Variants in CUL3 observed in about 807,000 individuals in gnomAD.
CUL3 encodes cullin 3.
A neutral mutation model predicts 89.1 loss-of-function variants in CUL3; 19 were observed. That is an observed-to-expected ratio of 0.21 (90% CI 0.15 to 0.31). CUL3 has a LOEUF of 0.31. Ranked by LOEUF, CUL3 falls within the 10% of genes least tolerant of loss-of-function variation. The pLI is 1.00. For missense variants in CUL3, 469 were observed against 942.3 expected, an observed-to-expected ratio of 0.50 and a Z score of 6.58; for synonymous variants, 351 against 308.4, an observed-to-expected ratio of 1.14 and a Z score of -1.45.
chr2:224,506,710 A>G (rs1350968820), intron 7 of CUL3, 148 bp downstream of exon 7: 10 of 712,080 alleles, frequency 1.4e-5, no homozygotes, highest in Non-Finnish European at 1.9e-5. Flanking sequence ...GCAAAATCCT[A>G]AAATATGTAG....
rs1313471816 is a variant in CUL3, at chr2:224,495,859, A to G, written c.1815T>C (p.Phe605=). The G allele has an allele frequency of 6.2e-7, 1 of 1,611,912 alleles. No homozygotes were observed. Among genetic ancestry groups the G allele is most frequent in the Admixed American group, 1.7e-5 (1 of 59,966 alleles). ...CAAATGTGTATTTTTCTCTATTATT[A>G]AAGAGCATTAATATGGTCATCTGGA... is the stretch of plus-strand genomic sequence containing the variant. ...STFQMTILML[F]NNREKYTFEE... Residue 605 remains phenylalanine, a synonymous_variant, in exon 13 of 16, where the codon TTT becomes TTC. Transcript: ENST00000264414.
At chr2:224,570,561 T>A (rs916816372) in intron 1 of CUL3, among the ~76,000 whole-genome samples, 1 of 152,112 alleles carries the variant, frequency 6.6e-6, no homozygotes, top group African/African-American at 2.4e-5. Context: ...AAACTACTGA[T>A]GTTTGGTTAA....
chr2:224,490,648 T>A (rs972959182), intron 13 of CUL3, among the ~76,000 whole-genome samples: 2 of 151,100 alleles, frequency 1.3e-5, no homozygotes, highest in Non-Finnish European at 2.9e-5. Flanking sequence ...CAGACCACCA[T>A]GGCACAAGTA....
intron 3 of CUL3, among the ~76,000 whole-genome samples, chr2:224,520,958 T>C (rs1295484008): frequency 6.6e-6 from 1 of 152,202 alleles, no homozygotes; most frequent in Non-Finnish European, 1.5e-5. Flanking sequence ...GCTAAACCTA[T>C]GCAAAGTCAA....
At chr2:224,533,522 TAAC>T (rs1693770773) in intron 3 of CUL3, among the ~76,000 whole-genome samples, 1 of 152,124 alleles carries the variant, frequency 6.6e-6, no homozygotes, top group Admixed American at 6.5e-5. Context: ...ACTTTAAAAA[TAAC>T]ATCAGAGTCT....
At chr2:224,521,688 A>G (rs1157358707) in intron 3 of CUL3, among the ~76,000 whole-genome samples, 1 of 151,894 alleles carries the variant, frequency 6.6e-6, no homozygotes, top group African/African-American at 2.4e-5. Flanking sequence ...AAAGTAGTTC[A>G]GTACTTTTAC....
intron 10 of CUL3, among the ~76,000 whole-genome samples, chr2:224,501,804 C>T (rs1405941530): frequency 6.6e-6 from 1 of 152,054 alleles, no homozygotes; most frequent in Non-Finnish European, 1.5e-5. Flanking sequence ...CATCCCATAT[C>T]AATATGCATG....
chr2:224,524,207 C>A (rs1311671295), intron 3 of CUL3, among the ~76,000 whole-genome samples: 1 of 152,060 alleles, frequency 6.6e-6, no homozygotes, highest in Non-Finnish European at 1.5e-5. Context: ...CCCATACCAG[C>A]CTTCACTGGT....
chr2:224,554,541 C>T (rs12621037), intron 2 of CUL3, among the ~76,000 whole-genome samples: 39,737 of 151,984 alleles, frequency 0.26, 5,913 homozygotes, highest in African/African-American at 0.41. Flanking sequence ...AATTCAGTTC[C>T]GGCTAGGCCA....
chr2:224,563,397 G>A (rs1694963964), intron 1 of CUL3: 1 of 360,812 alleles, frequency 2.8e-6, no homozygotes, highest in African/African-American at 2.2e-5. Flanking sequence ...ACTTAAGAGG[G>A]ATTCCAGAGG....
At position 224,543,655 on chromosome 2, in the gene CUL3, A is replaced by G. The variant is rs533560340; in HGVS notation, c.265-8014T>C. ...CAAAATCTGAGATGCTCCAATGAGCATTTCCTTAAAGCATCATCTCAGCAC... is the reference window on the plus strand; with the variant it reads ...CAAAATCTGAGATGCTCCAATGAGCGTTTCCTTAAAGCATCATCTCAGCAC... On this transcript the variant is annotated intron_variant, in intron 2 of 15. Transcript: ENST00000264414. Among the ~76,000 whole-genome samples the G allele has an allele frequency of 2.6e-5, 4 of 152,300 alleles. 1 individual carries two copies. Among genetic ancestry groups the G allele is most frequent in the African/African-American group, 9.6e-5 (4 of 41,562 alleles).
intron 1 of CUL3, among the ~76,000 whole-genome samples, chr2:224,565,718 C>T (rs1489108455): frequency 6.6e-6 from 1 of 152,216 alleles, no homozygotes; most frequent in Non-Finnish European, 1.5e-5. Context: ...TCATCTCCAT[C>T]AAGTCATCTT....
intron 1 of CUL3, chr2:224,562,709 T>A (rs1051084843): frequency 6.6e-6 from 1 of 151,234 alleles, no homozygotes; most frequent in Admixed American, 6.6e-5. Flanking sequence ...CCCAAAATCA[T>A]AGAGCTGGGA....
chr2:224,476,297 G>T (rs770787065), intron 15 of CUL3, among the ~76,000 whole-genome samples: 1 of 152,126 alleles, frequency 6.6e-6, no homozygotes, highest in Admixed American at 6.5e-5. Flanking sequence ...GATTACAGGC[G>T]TGAGCCACCG....
chr2:224,568,341 G>C (rs1391920699), intron 1 of CUL3, among the ~76,000 whole-genome samples: 1 of 152,154 alleles, frequency 6.6e-6, no homozygotes, highest in Non-Finnish European at 1.5e-5. Context: ...CTCCCATGTA[G>C]CTGAATTATC....
chr2:224,492,579 CTGTA>C (rs1319592186), intron 13 of CUL3, among the ~76,000 whole-genome samples: 4 of 152,146 alleles, frequency 2.6e-5, no homozygotes, highest in African/African-American at 4.8e-5. Context: ...CAGACTACCA[CTGTA>C]TGTATTTCCT....
chr2:224,531,380 GC>G (rs1385464092), intron 3 of CUL3, among the ~76,000 whole-genome samples: 6 of 151,722 alleles, frequency 4.0e-5, no homozygotes, highest in African/African-American at 1.5e-4. Context: ...GAGCCACTGT[GC>G]CTGGCCTAAA....
In CUL3 at chr2:224,478,269, C is replaced by T. The variant is rs1440881601; in HGVS notation, c.2106G>A (p.Glu702=). The T allele has an allele frequency of 6.2e-7, 1 of 1,613,816 alleles. No homozygotes were observed. Among genetic ancestry groups the T allele is most frequent in the East Asian group, 2.2e-5 (1 of 44,852 alleles). Residue 702 remains glutamate (E), a synonymous_variant, in exon 15 of 16, where the codon GAG becomes GAA. Transcript: ENST00000264414. The stretch of plus-strand genomic sequence containing the variant: ...TTATCCGCACTATAGCAGCTTCTAT[C>T]TCATGTTTTCTGTCGTCGTCTACTT... The part of the protein sequence containing the change: ...RQKVDDDRKH[E]IEAAIVRIMK...
At position 224,473,700 on chromosome 2, in the gene CUL3, T is replaced by C. The variant is rs886055693; in HGVS notation, c.*545A>G. On this transcript the variant is annotated 3_prime_UTR_variant, in exon 16 of 16. Transcript: ENST00000264414. ...AGATGAGTAAGTGCAAGTGGTAGAATACAGCATGCTCAAATTGTATGCTTG... is the reference window on the plus strand; with the variant it reads ...AGATGAGTAAGTGCAAGTGGTAGAACACAGCATGCTCAAATTGTATGCTTG... The C allele has an allele frequency of 5.4e-6, 1 of 184,030 alleles. No homozygotes were observed. The highest frequency in any genetic ancestry group is 1.2e-5 in the Non-Finnish European group (1 of 86,414). The allele number at this position is 184,030 out of a possible 1,614,324, so 11.4% of individuals were successfully genotyped here. A position where few individuals can be genotyped will look rare whatever the true frequency, so the allele number is the denominator to read the frequency against.
Sources: gnomAD v4.1 joint callset for allele counts (sites outside exome capture counted in the v4.1 genomes callset) on GRCh38, gnomAD v4.1.1 for gene constraint, MANE v1.5 for transcripts, NCBI Gene and HGNC (gene_info 2026-07-23, HGNC 2026-07-21) for gene names.